The following BRINP3 variants were observed in gnomAD, a reference collection of about 807,000 sequenced individuals.
BRINP3 encodes BMP/retinoic acid inducible neural specific 3, also known as BMP/retinoic acid-inducible neural-specific protein 3.
A neutral mutation model predicts 71.0 loss-of-function variants in BRINP3; 19 were observed. The ratio of observed to expected loss-of-function variants is 0.27; its 90% CI spans 0.19 to 0.39. BRINP3 has a LOEUF of 0.39. BRINP3 is among the 10% of genes least tolerant of loss of function. The pLI, the probability that BRINP3 is intolerant of heterozygous loss-of-function variation, is 1.00. For missense variants in BRINP3, 959 were observed against 940.8 expected, an observed-to-expected ratio of 1.02 and a Z score of -0.25; for synonymous variants, 380 against 337.7, an observed-to-expected ratio of 1.13 and a Z score of -1.37.
intron 2 of BRINP3, among the ~76,000 whole-genome samples, chr1:190,448,415 A>G (rs1277082007): frequency 6.6e-6 from 1 of 151,264 alleles, no homozygotes; most frequent in East Asian, 1.9e-4. Context: ...ATTGCACTAA[A>G]TTCTATATTT....
intron 2 of BRINP3, among the ~76,000 whole-genome samples, chr1:190,402,698 C>T (rs1329779993): frequency 6.6e-6 from 1 of 152,100 alleles, no homozygotes; most frequent in African/African-American, 2.4e-5. Context: ...AATTTTGACA[C>T]ATGTACTTTA....
chr1:190,367,963 A>G (rs114610813), intron 2 of BRINP3, among the ~76,000 whole-genome samples: 2,058 of 152,090 alleles, frequency 0.014, 53 homozygotes, highest in African/African-American at 0.046. Flanking sequence ...ACATTTTCCT[A>G]TCTTCTTCTG....
chr1:190,258,313 G>A (rs1322264583), intron 4 of BRINP3, among the ~76,000 whole-genome samples: 1 of 152,182 alleles, frequency 6.6e-6, no homozygotes, highest in African/African-American at 2.4e-5. Context: ...ATATAATCTG[G>A]TGTGTCATTT....
intron 2 of BRINP3, among the ~76,000 whole-genome samples, chr1:190,411,129 T>C (rs752341994): frequency 1.3e-5 from 2 of 151,930 alleles, no homozygotes; most frequent in African/African-American, 4.8e-5. Context: ...ACACAGGAAA[T>C]AGAGTCCAGA....
At chr1:190,246,758 T>G (rs564868594) in intron 4 of BRINP3, among the ~76,000 whole-genome samples, 2 of 152,202 alleles carry the variant, frequency 1.3e-5, no homozygotes, top group East Asian at 3.9e-4. Flanking sequence ...TTGCCTCCTT[T>G]TCCTACATTA....
chr1:190,143,204 T>A (rs975570817), intron 7 of BRINP3, among the ~76,000 whole-genome samples: 1 of 152,182 alleles, frequency 6.6e-6, no homozygotes. Context: ...TTTTGGCTTA[T>A]GGAGAACAGC....
rs947742534 is a variant in BRINP3, at chr1:190,300,757, C to T, written c.237-19007G>A. 9.9e-5 allele frequency among the ~76,000 whole-genome samples: 15 copies of T among 152,148 alleles called. No individual in the cohort carries two copies. In the East Asian group the frequency reaches 2.3e-3, roughly 24 times the overall value. On this transcript the variant is annotated intron_variant, in intron 2 of 7. Coordinates refer to ENST00000367462, the MANE Select transcript of BRINP3 (RefSeq NM_199051.3). ...AAAACTAACCAGCAGAAAGGACATC[C>T]ACACCAAAAACCCATCTGTACTTCA...
At chr1:190,452,664 G>A (rs1343953253) in intron 2 of BRINP3, among the ~76,000 whole-genome samples, 1 of 152,026 alleles carries the variant, frequency 6.6e-6, no homozygotes, top group Non-Finnish European at 1.5e-5. Context: ...TTCAAAACCA[G>A]CCTCACCAAC....
intron 4 of BRINP3, among the ~76,000 whole-genome samples, chr1:190,255,263 G>C (rs1260653742): frequency 7.0e-6 from 1 of 143,536 alleles, no homozygotes; most frequent in African/African-American, 2.6e-5. Flanking sequence ...TTGTGTCTCT[G>C]TCAGGCTTTG....
chr1:190,301,186 T>TACATATATATATACATATATATAC lies in BRINP3; in HGVS notation c.237-19437_237-19436insGTATATATATGTATATATATATGT, dbSNP rs1664675170. ...ATATACATATATATACATATATATATGTATATATATACACATACATATATA... is the reference window on the plus strand; with the variant it reads ...ATATACATATATATACATATATATATACATATATATATACATATATATACGTATATATATACACATACATATATA... On this transcript the variant is annotated intron_variant, in intron 2 of 7. Transcript: ENST00000367462. 7.4e-5 allele frequency among the ~76,000 whole-genome samples: 6 copies of TACATATATATATACATATATATAC among 80,592 alleles called. No individual in the cohort carries two copies. In the South Asian group the frequency reaches 2.7e-3, roughly 36 times the overall value. The allele number at this position is 80,592 out of a possible 152,430, so 52.9% of individuals were successfully genotyped here.
chr1:190,429,367 C>CA (rs967616619), intron 2 of BRINP3, among the ~76,000 whole-genome samples: 3 of 152,082 alleles, frequency 2.0e-5, no homozygotes, highest in Admixed American at 2.0e-4. Flanking sequence ...GCAACCACTA[C>CA]AAAAAATATG....
At chr1:190,136,394 A>T (rs545458802) in intron 7 of BRINP3, among the ~76,000 whole-genome samples, 1 of 152,232 alleles carries the variant, frequency 6.6e-6, no homozygotes, top group East Asian at 1.9e-4. Context: ...TAGGCTATGT[A>T]CCTAGCCACC....
chr1:190,108,365 C>T (rs1380827454), intron 7 of BRINP3, among the ~76,000 whole-genome samples: 4 of 151,524 alleles, frequency 2.6e-5, no homozygotes, highest in Admixed American at 6.6e-5. Flanking sequence ...TGTGCGCACA[C>T]GCTGGTATAA....
At chr1:190,173,968 A>G (rs1011720001) in intron 6 of BRINP3, among the ~76,000 whole-genome samples, 1 of 152,126 alleles carries the variant, frequency 6.6e-6, no homozygotes, top group Non-Finnish European at 1.5e-5. Context: ...TAGAGAATAA[A>G]AGTAAAAATT....
intron 2 of BRINP3, among the ~76,000 whole-genome samples, chr1:190,443,404 CAAA>C (rs560504461): frequency 6.8e-5 from 5 of 73,574 alleles, no homozygotes; most frequent in African/African-American, 4.9e-5. Flanking sequence ...GACTCCGTCT[CAAA>C]AAAAAAAAAA....
At chr1:190,144,735 A>G (rs368322870) in intron 7 of BRINP3, among the ~76,000 whole-genome samples, 1 of 152,108 alleles carries the variant, frequency 6.6e-6, no homozygotes, top group Non-Finnish European at 1.5e-5. Context: ...GTATTTTATC[A>G]CTTTTCCCAA....
At chr1:190,394,856 C>T (rs193028448) in intron 2 of BRINP3, among the ~76,000 whole-genome samples, 48 of 151,484 alleles carry the variant, frequency 3.2e-4, no homozygotes, top group African/African-American at 8.5e-4. Flanking sequence ...CAGTGCCTAC[C>T]GGAAAAAAAG....
chr1:190,294,020 T>TA (rs1664065790), intron 2 of BRINP3, among the ~76,000 whole-genome samples: 1 of 152,130 alleles, frequency 6.6e-6, no homozygotes, highest in African/African-American at 2.4e-5. Flanking sequence ...AGTCTATTTA[T>TA]ATTCAGTGTT....
intron 2 of BRINP3, among the ~76,000 whole-genome samples, chr1:190,328,149 A>G (rs1033930553): frequency 2.0e-5 from 3 of 152,118 alleles, no homozygotes; most frequent in African/African-American, 7.2e-5. Context: ...AGCTAGGGGA[A>G]CTAGAAAAAG....
Sources: allele counts gnomAD v4.1 joint callset (sites outside exome capture counted in the v4.1 genomes callset), GRCh38; gene constraint gnomAD v4.1.1; transcripts MANE v1.5; gene names NCBI Gene and HGNC (gene_info 2026-07-23, HGNC 2026-07-21).